WNK2: variants seen among roughly 807,000 people sequenced by gnomAD.
WNK2 encodes WNK lysine deficient protein kinase 2.
Under a neutral mutation model 192.1 loss-of-function variants are expected in WNK2, and 67 were observed. That is an observed-to-expected ratio of 0.35 (90% CI 0.29 to 0.43). The LOEUF (loss-of-function observed/expected upper bound fraction) is 0.43, where lower values mean the gene tolerates loss of function less well. WNK2 is among the 20% of genes least tolerant of loss of function. WNK2 has a pLI of 1.00. For missense variants in WNK2, 2,698 were observed against 3,089.7 expected (o/e 0.87, Z 3.01); for synonymous variants, 1,439 against 1,393.9 (o/e 1.03, Z -0.72).
chr9:93,227,465 T>A (rs907725263), intron 2 of WNK2, among the ~76,000 whole-genome samples: 2 of 151,380 alleles, frequency 1.3e-5, no homozygotes. Context: ...TATCTCAGTG[T>A]GGTCTTTGTT....
intron 10 of WNK2, 123 bp downstream of exon 10, chr9:93,256,577 C>A (rs1843330154): frequency 1.6e-6 from 2 of 1,249,712 alleles, no homozygotes; most frequent in African/African-American, 3.1e-5. Flanking sequence ...GTGGTTCCCC[C>A]AGGTCTTTGG....
chr9:93,288,865 G>T lies in WNK2; in HGVS notation c.4111G>T (p.Ala1371Ser). 6.2e-6 allele frequency: 10 copies of T among 1,611,878 alleles called. No homozygotes were observed. The highest frequency in any genetic ancestry group is 8.5e-6 in the Non-Finnish European group (10 of 1,179,536). Residue 1371 changes from alanine to serine, a missense_variant, in exon 20 of 30, where the codon GCG (alanine) becomes TCG (serine). Physicochemically the swap from Ala to Ser is moderately conservative, Grantham distance 99 (BLOSUM62 1). Transcript: ENST00000427277. ...AGCCAGTCAGCAGCTCCTGAGCCAGGCGGGCCCCAGCAACCCTCCTGGGGC... is the reference window on the plus strand; with the variant it reads ...AGCCAGTCAGCAGCTCCTGAGCCAGTCGGGCCCCAGCAACCCTCCTGGGGC... ...FLASQQLLSQ[A>S]GPSNPPGAPP...
chr9:93,315,692 G>A (rs779537340), intron 28 of WNK2: 2 of 152,072 alleles, frequency 1.3e-5, no homozygotes, highest in East Asian at 3.9e-4. Flanking sequence ...CAATAAGTTA[G>A]TACAAGTTTA....
chr9:93,291,003 G>A (rs769345927), intron 21 of WNK2, among the ~76,000 whole-genome samples: 2 of 152,198 alleles, frequency 1.3e-5, no homozygotes, highest in Non-Finnish European at 2.9e-5. Context: ...CACATCAGCC[G>A]CAGGCGGGAC....
In WNK2 at chr9:93,289,328, C is replaced by G. The variant is rs543371304; in HGVS notation, c.4574C>G (p.Pro1525Arg). ...CCACCCCTGGGGCCCACCGTCCCCC[C>G]ACAGCCACCCTCGGCCCTGGAGTCG... The part of the protein sequence containing the change: ...PSPPLGPTVP[P>R]QPPSALESDG... Residue 1525 changes from proline to arginine, a missense_variant, in exon 20 of 30, where the codon CCA becomes CGA. Coordinates refer to ENST00000427277, the MANE Select transcript of WNK2 (RefSeq NM_006648.4). 3.7e-6 allele frequency: 6 copies of G among 1,603,630 alleles called. No individual in the cohort carries two copies. The highest frequency in any genetic ancestry group is 2.7e-5 in the African/African-American group (2 of 74,826).
Position 93,267,837 on chromosome 9 carries a change from A to G in WNK2, c.3788A>G (p.Glu1263Gly). 6.2e-7 allele frequency: 1 copy of G among 1,612,666 alleles called. No individual in the cohort carries two copies. Among genetic ancestry groups the G allele is most frequent in the Non-Finnish European group, 8.5e-7 (1 of 1,179,552 alleles). The change falls in exon 17 of 30, where the codon GAG (glutamate) becomes GGG (glycine). Residue 1263 changes from glutamate (E) to glycine (G), a missense_variant. This residue lies in a region of WNK2 where 1,098 missense variants were observed against 1,101.0 expected (regional missense o/e 1.00). Transcript: ENST00000427277. Reference protein sequence around the residue: ...VMDKAEDMLSEDTDADRGSDP... With the variant: ...VMDKAEDMLSGDTDADRGSDP... The stretch of plus-strand genomic sequence containing the variant: ...GACAAGGCAGAGGACATGCTCAGCG[A>G]GGACACAGACGCCGACCGTGGCTCC...
At position 93,199,680 on chromosome 9, in the gene WNK2, C is replaced by T. The variant is rs930043649; in HGVS notation, c.681+14070C>T. ...TTGGGAGGCCGAGGCGGGTGGATCA[C>T]GAGGTCAGGAGATCGAGACCATCCT... On this transcript the variant is annotated intron_variant, in intron 2 of 29. Coordinates refer to ENST00000427277, the MANE Select transcript of WNK2 (RefSeq NM_006648.4). Among the ~76,000 whole-genome samples, 3 of 152,090 alleles carry T rather than the reference C, an allele frequency of 2.0e-5. No homozygotes were observed. The East Asian group carries it at 5.8e-4, about 29-fold the overall frequency.
At chr9:93,265,026 C>T (rs1844929583) in intron 16 of WNK2, among the ~76,000 whole-genome samples, 1 of 152,218 alleles carries the variant, frequency 6.6e-6, no homozygotes, top group South Asian at 2.1e-4. Flanking sequence ...GCTTTCTGCT[C>T]CTAGGGAGCA....
Position 93,239,727 on chromosome 9 carries a change from G to A in WNK2, c.1323-30G>A. On this transcript the variant is annotated intron_variant, in intron 6 of 29. Transcript: ENST00000427277. This position sits in a 1 kb window ranked among gnomAD's most constrained non-coding sequence, Gnocchi z 4.2. ...TGGGCATGGAGGCCCTGGCGCCCGT[G>A]CCCCTGCCTGTCAGCTGCTCTCCCT... The A allele has an allele frequency of 6.5e-7, 1 of 1,537,554 alleles. No individual in the cohort carries two copies. Among genetic ancestry groups the A allele is most frequent in the Non-Finnish European group, 8.8e-7 (1 of 1,137,376 alleles).
intron 8 of WNK2, among the ~76,000 whole-genome samples, chr9:93,248,863 A>G (rs1356445164): frequency 6.6e-6 from 1 of 152,260 alleles, no homozygotes; most frequent in Non-Finnish European, 1.5e-5. Flanking sequence ...ATAGAATGAC[A>G]GAGCCAAGGG....
intron 20 of WNK2, 115 bp downstream of exon 20, chr9:93,289,735 C>T (rs968686429): frequency 8.0e-6 from 9 of 1,128,622 alleles, no homozygotes; most frequent in African/African-American, 6.3e-5. Flanking sequence ...ACTCAGGGCC[C>T]GTCCCTCTCT....
At position 93,289,431 on chromosome 9, in the gene WNK2, G is replaced by A. The variant is rs1848968880; in HGVS notation, c.4677G>A (p.Leu1559=). ...IKSLDEKLRT[L]LYQEHVPTSS... ...GCCTGGACGAGAAGCTGCGGACTCT[G>A]CTCTACCAGGAGCACGTGCCCACCT... Residue 1559 remains leucine (L), a synonymous_variant, in exon 20 of 30, where the codon CTG becomes CTA. Transcript: ENST00000427277. The A allele has an allele frequency of 6.2e-7, 1 of 1,612,880 alleles. No individual in the cohort carries two copies. Among genetic ancestry groups the A allele is most frequent in the South Asian group, 1.1e-5 (1 of 91,084 alleles).
At chr9:93,319,694 G>A (rs1855264540) in intron 29 of WNK2, among the ~76,000 whole-genome samples, 1 of 152,256 alleles carries the variant, frequency 6.6e-6, no homozygotes, top group Non-Finnish European at 1.5e-5. Flanking sequence ...CCTCAGATGA[G>A]CTTGGACTTG....
intron 16 of WNK2, among the ~76,000 whole-genome samples, chr9:93,267,503 A>G (rs1845363726): frequency 1.3e-5 from 2 of 152,206 alleles, no homozygotes; most frequent in Non-Finnish European, 2.9e-5. Flanking sequence ...GGGGCAGGGC[A>G]TTGCTGGCCC....
chr9:93,288,959 C>T lies in WNK2; in HGVS notation c.4205C>T (p.Ala1402Val), dbSNP rs201694131. 1.3e-3 allele frequency: 2,009 copies of T among 1,604,526 alleles called. 30 individuals carry two copies. The highest frequency in any genetic ancestry group is 1.4e-4 in the Non-Finnish European group (170 of 1,175,936). Residue 1402 changes from alanine to valine, a missense_variant, in exon 20 of 30, where the codon GCC (alanine) becomes GTC (valine). Transcript: ENST00000427277. ...TALPQDGAAP[A>V]TSTMPEPASG... The stretch of plus-strand genomic sequence containing the variant: ...CTGCCCCAAGATGGAGCAGCTCCAG[C>T]CACCAGCACCATGCCAGAGCCAGCG...
At chr9:93,273,698 ACT>A (rs1313745831) in intron 19 of WNK2, among the ~76,000 whole-genome samples, 1 of 152,214 alleles carries the variant, frequency 6.6e-6, no homozygotes, top group African/African-American at 2.4e-5. Flanking sequence ...AGAACACTCC[ACT>A]CAAAAACAAT....
At chr9:93,195,721 A>T (rs1477113982) in intron 2 of WNK2, among the ~76,000 whole-genome samples, 1 of 151,132 alleles carries the variant, frequency 6.6e-6, no homozygotes, top group African/African-American at 2.4e-5. Flanking sequence ...AAAAAAAAAA[A>T]AAAGATGTTG....
At chr9:93,311,613 T>TTTTGTGTGTGTGTG (rs1554755232) in intron 28 of WNK2, among the ~76,000 whole-genome samples, 1 of 146,076 alleles carries the variant, frequency 6.8e-6, no homozygotes, top group Non-Finnish European at 1.5e-5. Context: ...GTTTTTTTGT[T>TTTTGTGTGTGTGTG]TGTGTGTGTG....
chr9:93,216,748 C>T (rs1315975008), intron 2 of WNK2, among the ~76,000 whole-genome samples: 2 of 150,588 alleles, frequency 1.3e-5, no homozygotes, highest in African/African-American at 2.4e-5. Context: ...AAACCAAGAT[C>T]GCACCACTGC....
Sources: gnomAD v4.1 joint callset for allele counts (sites outside exome capture counted in the v4.1 genomes callset) on GRCh38, gnomAD v4.1.1 for gene constraint, gnomAD v4.1.1 regional missense constraint, Gnocchi (gnomAD v3.1) non-coding constraint, MANE v1.5 for transcripts, NCBI Gene and HGNC (gene_info 2026-07-23, HGNC 2026-07-21) for gene names.